Variants in RMND5A observed in about 807,000 individuals in gnomAD.
RMND5A encodes the protein E3 ubiquitin-protein transferase RMND5A.
Under a neutral mutation model 49.7 loss-of-function variants are expected in RMND5A, and 17 were observed. That is an observed-to-expected ratio of 0.34 (90% CI 0.23 to 0.51). The LOEUF (loss-of-function observed/expected upper bound fraction) is 0.51, where lower values mean the gene tolerates loss of function less well. RMND5A is among the 20% of genes least tolerant of loss of function. The pLI is 0.96. For synonymous variants in RMND5A, 156 were observed against 167.7 expected (o/e 0.93, Z 0.54); for missense variants, 255 against 471.3 (o/e 0.54, Z 4.25).
At chr2:86,728,812 G>A (rs1221159823) in intron 1 of RMND5A, among the ~76,000 whole-genome samples, 1 of 143,594 alleles carries the variant, frequency 7.0e-6, no homozygotes, top group African/African-American at 2.7e-5. Flanking sequence ...GGAGTGCAGT[G>A]GCATGATCTT....
At chr2:86,748,578 A>G (rs1439926152) in intron 2 of RMND5A, 1 of 152,224 alleles carries the variant, frequency 6.6e-6, no homozygotes, top group Non-Finnish European at 1.5e-5. Context: ...GCATTGTTGT[A>G]AAACTTTGTA....
chr2:86,721,601 C>G (rs1246719787), intron 1 of RMND5A, among the ~76,000 whole-genome samples: 3 of 151,440 alleles, frequency 2.0e-5, no homozygotes, highest in East Asian at 2.0e-4. Flanking sequence ...AGGTGTTTCA[C>G]CTAGATTGTT....
intron 4 of RMND5A, among the ~76,000 whole-genome samples, chr2:86,763,206 A>G (rs923775485): frequency 5.3e-5 from 8 of 151,908 alleles, no homozygotes; most frequent in Non-Finnish European, 1.2e-4. Flanking sequence ...TTACTCTATT[A>G]GCTCCAGTCT....
chr2:86,765,580 T>A (rs1371924912), intron 5 of RMND5A: 1 of 378,684 alleles, frequency 2.6e-6, no homozygotes, highest in East Asian at 5.1e-5. Context: ...GATAATGTGA[T>A]GACATAATTG....
At chr2:86,766,661 C>CAAAAAAAAAAAAAAAAAAAA (rs59511898) in intron 6 of RMND5A, among the ~76,000 whole-genome samples, 1 of 77,018 alleles carries the variant, frequency 1.3e-5, no homozygotes, top group African/African-American at 5.3e-5. Context: ...GAGACTGTCT[C>CAAAAAAAAAAAAAAAAAAAA]AAAAAAAAAA....
rs1323998403 is a variant in RMND5A, at chr2:86,773,410, G to A, written c.1175G>A (p.Ter392=). Reference sequence around the variant, plus strand: ...GGAGATGCCAAACAGATATTTTTCTGAAGAGATAACTTTAGTTTGCAATTT... The same window carrying A: ...GGAGATGCCAAACAGATATTTTTCTAAAGAGATAACTTTAGTTTGCAATTT... The part of the protein sequence containing the change: ...SPGDAKQIFF[*] Residue 392 remains the stop codon, a stop_retained_variant, in exon 9 of 9, where the codon TGA becomes TAA. Transcript: ENST00000283632. The A allele has an allele frequency of 6.3e-7, 1 of 1,596,650 alleles. No homozygotes were observed.
intron 2 of RMND5A, among the ~76,000 whole-genome samples, chr2:86,743,127 C>T (rs542192707): frequency 6.6e-6 from 1 of 152,222 alleles, no homozygotes; most frequent in South Asian, 2.1e-4. Flanking sequence ...TTACTCCAGA[C>T]CTAGCAGGTC....
At position 86,768,546 on chromosome 2, in the gene RMND5A, T is replaced by C. The variant is rs564305365; in HGVS notation, c.855-1477T>C. Among the ~76,000 whole-genome samples the C allele has an allele frequency of 8.5e-5, 13 of 152,286 alleles. No homozygotes were observed. The South Asian group carries it at 1.2e-3, about 15-fold the overall frequency. Reference sequence around the variant, plus strand: ...CAGCAGGATTGGGCAGAGAGGAAAGTTGGACTGTATTAGAGTGGCAACAAG... The same window carrying C: ...CAGCAGGATTGGGCAGAGAGGAAAGCTGGACTGTATTAGAGTGGCAACAAG... On this transcript the variant is annotated intron_variant, in intron 6 of 8. Transcript: ENST00000283632.
At chr2:86,770,717 C>T (rs1221973771) in intron 7 of RMND5A, among the ~76,000 whole-genome samples, 2 of 152,186 alleles carry the variant, frequency 1.3e-5, no homozygotes, top group Non-Finnish European at 2.9e-5. Flanking sequence ...CACCAGCTTT[C>T]TCTTTATGGG....
chr2:86,767,720 A>G lies in RMND5A; in HGVS notation c.854+1696A>G, dbSNP rs1452172939. On this transcript the variant is annotated intron_variant, in intron 6 of 8. Transcript: ENST00000283632. The stretch of plus-strand genomic sequence containing the variant: ...GATTTTAATGTAGCAGGGTACAAAA[A>G]GTTTAATGGTAAAGTTTCAGATTCT... 2.0e-5 allele frequency among the ~76,000 whole-genome samples: 3 copies of G among 152,368 alleles called. No homozygotes were observed. The East Asian group carries it at 5.8e-4, about 29-fold the overall frequency.
Position 86,775,014 on chromosome 2 carries a change from G to A in RMND5A, c.*1603G>A, listed in dbSNP as rs550499842. 6.5e-6 allele frequency: 1 copy of A among 152,768 alleles called. No individual in the cohort carries two copies. The highest frequency in any genetic ancestry group is 2.4e-5 in the African/African-American group (1 of 41,560). 9.5% of individuals were successfully genotyped at this position (152,768 alleles called of 1,614,324 possible). A position where few individuals can be genotyped will look rare whatever the true frequency, so the allele number is the denominator to read the frequency against. ...AGTACCATGTGGCCAGGCCTATGTGGATGGCTACTCCGTGCTGTGCGGCTT... is the reference window on the plus strand; with the variant it reads ...AGTACCATGTGGCCAGGCCTATGTGAATGGCTACTCCGTGCTGTGCGGCTT... On this transcript the variant is annotated 3_prime_UTR_variant, in exon 9 of 9. Transcript: ENST00000283632.
chr2:86,773,425 G>C lies in RMND5A; in HGVS notation c.*14G>C. On this transcript the variant is annotated 3_prime_UTR_variant, in exon 9 of 9. Transcript: ENST00000283632. ...ATATTTTTCTGAAGAGATAACTTTA[G>C]TTTGCAATTTGTAAGTGAAACTGAA... 1.3e-6 allele frequency: 2 copies of C among 1,568,954 alleles called. No homozygotes were observed. Among genetic ancestry groups the C allele is most frequent in the South Asian group, 2.2e-5 (2 of 89,998 alleles).
intron 4 of RMND5A, among the ~76,000 whole-genome samples, chr2:86,760,965 AGTGTGTGTGTGTGTGT>A (rs35942120): frequency 7.6e-5 from 11 of 145,330 alleles, no homozygotes; most frequent in Admixed American, 2.7e-4. Context: ...GAGAGAGAGA[AGTGTGTGTGTGTGTGT>A]GTGTGTGTGT....
At position 86,775,941 on chromosome 2, in the gene RMND5A, T is replaced by C. The variant is rs554156742; in HGVS notation, c.*2530T>C. On this transcript the variant is annotated 3_prime_UTR_variant, in exon 9 of 9. Transcript: ENST00000283632. ...TCTGCATGTCAGCAGTCCAGGAGGATGCTTTTTGTCTCTCTTTGCCTCCAC... is the reference window on the plus strand; with the variant it reads ...TCTGCATGTCAGCAGTCCAGGAGGACGCTTTTTGTCTCTCTTTGCCTCCAC... The C allele has an allele frequency of 2.0e-5, 3 of 152,324 alleles. No homozygotes were observed. In the South Asian group the frequency reaches 6.2e-4, roughly 32 times the overall value. The allele number at this position is 152,324 out of a possible 1,614,324, so 9.4% of individuals were successfully genotyped here.
At chr2:86,772,826 C>T (rs1053101388) in intron 8 of RMND5A, among the ~76,000 whole-genome samples, 5 of 152,142 alleles carry the variant, frequency 3.3e-5, no homozygotes, top group Non-Finnish European at 7.3e-5. Context: ...AACTCCTGAG[C>T]TCAAGCATCC....
intron 2 of RMND5A, among the ~76,000 whole-genome samples, chr2:86,750,137 A>G (rs1681608373): frequency 6.6e-6 from 1 of 152,228 alleles, no homozygotes; most frequent in Non-Finnish European, 1.5e-5. Context: ...ATTAGGGAGC[A>G]ATGCCTATGA....
At chr2:86,745,906 T>G (rs1274657091) in intron 2 of RMND5A, among the ~76,000 whole-genome samples, 1 of 152,200 alleles carries the variant, frequency 6.6e-6, no homozygotes, top group Admixed American at 6.5e-5. Context: ...TGTGCTGTAC[T>G]AGGAAATCAC....
intron 2 of RMND5A, among the ~76,000 whole-genome samples, chr2:86,747,581 G>T (rs1573435023): frequency 6.6e-6 from 1 of 151,986 alleles, no homozygotes; most frequent in Admixed American, 6.6e-5. Context: ...ACATTTTGTT[G>T]GTTCATACAC....
At chr2:86,766,698 A>G (rs1173454258) in intron 6 of RMND5A, among the ~76,000 whole-genome samples, 2 of 151,580 alleles carry the variant, frequency 1.3e-5, no homozygotes, top group African/African-American at 2.4e-5. Context: ...GAAAAAAAGA[A>G]TATTCTTGGC....
Sources: gnomAD v4.1 joint callset for allele counts (sites outside exome capture counted in the v4.1 genomes callset) on GRCh38, gnomAD v4.1.1 for gene constraint, MANE v1.5 for transcripts, NCBI Gene and HGNC (gene_info 2026-07-23, HGNC 2026-07-21) for gene names.